Variants in HPSE2 observed in about 807,000 individuals in gnomAD.
HPSE2 encodes the protein inactive heparanase-2.
In HPSE2, 38 loss-of-function variants were observed where a neutral mutation model predicts 60.5. The observed-to-expected ratio is 0.63, with a 90% CI of 0.48 to 0.82. The LOEUF (loss-of-function observed/expected upper bound fraction) is 0.82. Among genes scored for constraint, HPSE2 ranks in the 40% least tolerant of loss-of-function variants. The probability of loss-of-function intolerance (pLI) is 0.00; values close to 1 mark genes in which losing one functional copy is unlikely to be tolerated. For missense variants in HPSE2, 713 were observed against 740.4 expected (o/e 0.96, Z 0.43); for synonymous variants, 295 against 293.2 (o/e 1.01, Z -0.06).
At chr10:99,175,467 A>C (rs1455886810) in intron 2 of HPSE2, among the ~76,000 whole-genome samples, 1 of 151,762 alleles carries the variant, frequency 6.6e-6, no homozygotes, top group Non-Finnish European at 1.5e-5. Flanking sequence ...AGGCTTGAGT[A>C]GGTGGTTTTC....
intron 3 of HPSE2, among the ~76,000 whole-genome samples, chr10:98,789,422 TAAGGATCGACAACTTTGA>T (rs1305372524): frequency 6.6e-6 from 1 of 152,218 alleles, no homozygotes. Context: ...GGGTGTTTAT[TAAGGATCGACAACTTTGA>T]AAGGAAGCAG....
intron 3 of HPSE2, among the ~76,000 whole-genome samples, chr10:98,909,592 T>C (rs965833981): frequency 2.0e-5 from 3 of 149,550 alleles, no homozygotes; most frequent in Non-Finnish European, 4.4e-5. Flanking sequence ...ATCGCGCCAC[T>C]GCACCCAGCC....
At chr10:99,120,067 T>A (rs1844886156) in intron 3 of HPSE2, among the ~76,000 whole-genome samples, 1 of 152,056 alleles carries the variant, frequency 6.6e-6, no homozygotes, top group African/African-American at 2.4e-5. Context: ...CCAAAAGCAA[T>A]CACGACAAAA....
intron 3 of HPSE2, among the ~76,000 whole-genome samples, chr10:98,770,590 T>G (rs1444131668): frequency 1.3e-5 from 2 of 152,254 alleles, no homozygotes; most frequent in East Asian, 3.9e-4. Flanking sequence ...GGACTCCCCA[T>G]GAGCCTGGCT....
chr10:99,232,847 GC>G, intron 1 of HPSE2, among the ~76,000 whole-genome samples: 1 of 152,380 alleles, frequency 6.6e-6, no homozygotes, highest in East Asian at 1.9e-4. Context: ...CGGCGCTAAA[GC>G]GCAGTTGCCC....
At chr10:99,031,299 A>T (rs1466291454) in intron 3 of HPSE2, among the ~76,000 whole-genome samples, 1 of 152,190 alleles carries the variant, frequency 6.6e-6, no homozygotes, top group Admixed American at 6.5e-5. Context: ...AATTAAAAAA[A>T]TGTTTAATGT....
At chr10:98,753,116 C>G (rs1453496804) in intron 3 of HPSE2, among the ~76,000 whole-genome samples, 1 of 151,994 alleles carries the variant, frequency 6.6e-6, no homozygotes, top group Non-Finnish European at 1.5e-5. Flanking sequence ...GGAATAATTT[C>G]CAAGAGATCT....
intron 4 of HPSE2, among the ~76,000 whole-genome samples, chr10:98,732,944 A>G (rs1408537696): frequency 1.3e-5 from 2 of 152,334 alleles, no homozygotes; most frequent in East Asian, 1.9e-4. Flanking sequence ...CACTTAAAAG[A>G]GCAAAAGCTT....
At chr10:99,305,870 T>C in the HPSE2 span, among the ~76,000 whole-genome samples, 1 of 151,832 alleles carries the variant, frequency 6.6e-6, no homozygotes, top group Non-Finnish European at 1.5e-5. Flanking sequence ...CATTAATAAC[T>C]CAATGGATGT....
intron 4 of HPSE2, among the ~76,000 whole-genome samples, chr10:98,725,565 G>C (rs1219138469): frequency 2.0e-5 from 3 of 152,132 alleles, no homozygotes; most frequent in African/African-American, 2.4e-5. Context: ...ATACCATTCA[G>C]GACATAGGCA....
chr10:98,685,344 C>T (rs893388062), intron 6 of HPSE2, among the ~76,000 whole-genome samples: 1 of 152,116 alleles, frequency 6.6e-6, no homozygotes, highest in African/African-American at 2.4e-5. Flanking sequence ...AATGCATACT[C>T]CTGCATAACA....
intron 3 of HPSE2, among the ~76,000 whole-genome samples, chr10:98,978,733 A>C (rs1956142071): frequency 6.6e-6 from 1 of 152,218 alleles, no homozygotes; most frequent in African/African-American, 2.4e-5. Flanking sequence ...AAAAGTCCTG[A>C]AAATTGCAAT....
intron 2 of HPSE2, among the ~76,000 whole-genome samples, chr10:99,215,106 A>G (rs1012918924): frequency 6.6e-6 from 1 of 152,200 alleles, no homozygotes; most frequent in East Asian, 1.9e-4. Context: ...CCAGAGGAAT[A>G]TAACTCACCC....
At chr10:98,475,504 G>A (rs1012584817) in intron 11 of HPSE2, among the ~76,000 whole-genome samples, 2 of 152,106 alleles carry the variant, frequency 1.3e-5, no homozygotes, top group Non-Finnish European at 2.9e-5. Flanking sequence ...CACAAAGTAG[G>A]ATCAATAGAA....
At position 98,737,240 on chromosome 10, in the gene HPSE2, T is replaced by C. The variant is rs1330328442; in HGVS notation, c.784+6643A>G. 4.3e-5 allele frequency among the ~76,000 whole-genome samples: 4 copies of C among 92,842 alleles called. 2 individuals are homozygous for C. The highest frequency in any genetic ancestry group is 1.4e-4 in the African/African-American group (4 of 27,972). 60.9% of individuals were successfully genotyped at this position (92,842 alleles called of 152,430 possible). On this transcript the variant is annotated intron_variant, in intron 4 of 11. Coordinates refer to ENST00000370552, the MANE Select transcript of HPSE2 (RefSeq NM_021828.5). ...TTCACCTGTTATATACACATAAAAA[T>C]ACAGGACCAAAATATATAAATGCAC...
chr10:98,842,702 A>T (rs1037968019), intron 3 of HPSE2, among the ~76,000 whole-genome samples: 2 of 152,016 alleles, frequency 1.3e-5, no homozygotes, highest in African/African-American at 4.8e-5. Flanking sequence ...ATTGATTATC[A>T]TTGTCACCCA....
At chr10:99,038,181 C>A (rs115226351) in intron 3 of HPSE2, among the ~76,000 whole-genome samples, 28 of 152,250 alleles carry the variant, frequency 1.8e-4, no homozygotes, top group African/African-American at 6.5e-4. Context: ...AAGGATTTAT[C>A]CTTGAGAAAT....
At chr10:98,812,528 T>C (rs912609520) in intron 3 of HPSE2, among the ~76,000 whole-genome samples, 1 of 152,326 alleles carries the variant, frequency 6.6e-6, no homozygotes, top group Admixed American at 6.5e-5. Flanking sequence ...CTATGCTCTG[T>C]AAAGCAGCAC....
chr10:99,223,450 G>T (rs539011511), intron 2 of HPSE2, among the ~76,000 whole-genome samples: 1 of 151,872 alleles, frequency 6.6e-6, no homozygotes, highest in Non-Finnish European at 1.5e-5. Context: ...TTCTAACTTC[G>T]CATTCCAAAC....
Sources: allele counts gnomAD v4.1 joint callset (sites outside exome capture counted in the v4.1 genomes callset), GRCh38; gene constraint gnomAD v4.1.1; transcripts MANE v1.5; gene names NCBI Gene and HGNC (gene_info 2026-07-23, HGNC 2026-07-21).